The following KCNH5 variants were observed in gnomAD, a reference collection of about 807,000 sequenced individuals.
The protein encoded by KCNH5 is voltage-gated delayed rectifier potassium channel KCNH5.
In KCNH5, 46 loss-of-function variants were observed where a neutral mutation model predicts 96.1. That is an observed-to-expected ratio of 0.48 (90% confidence interval 0.38 to 0.61). The LOEUF is 0.61. Among genes scored for constraint, KCNH5 ranks in the 20% least tolerant of loss-of-function variants. KCNH5 has a pLI of 0.00. For missense variants in KCNH5, 907 were observed against 1,225.8 expected (o/e 0.74, Z 3.88); for synonymous variants, 439 against 449.8 (o/e 0.98, Z 0.30).
intron 4 of KCNH5, among the ~76,000 whole-genome samples, chr14:62,998,635 A>G (rs1446066299): frequency 1.3e-5 from 2 of 152,110 alleles, no homozygotes; most frequent in Non-Finnish European, 1.5e-5. Context: ...TGCATCTCAC[A>G]AATTTGATAA....
intron 7 of KCNH5, among the ~76,000 whole-genome samples, chr14:62,916,379 C>A (rs1442971823): frequency 1.3e-5 from 2 of 152,202 alleles, no homozygotes; most frequent in Non-Finnish European, 2.9e-5. Context: ...CAATAAATTT[C>A]TCAGGCATCC....
rs146121227 is a variant in KCNH5 at position 62,847,639 on chromosome 14, C to T, written c.1569+2014G>A. The stretch of plus-strand genomic sequence containing the variant: ...TCCATGATTTTTTCTTATCCAAATG[C>T]TAATCAATTTTGATATCTTAAAATA... On this transcript the variant is annotated intron_variant, in intron 8 of 10. Coordinates refer to ENST00000322893, the MANE Select transcript of KCNH5 (RefSeq NM_139318.5). Among the ~76,000 whole-genome samples, 342 of 152,224 alleles carry T rather than the reference C, an allele frequency of 2.2e-3. 2 individuals carry two copies. Among genetic ancestry groups the T allele is most frequent in the African/African-American group, 6.9e-3 (287 of 41,548 alleles).
At chr14:62,928,722 T>C (rs1889522672) in intron 7 of KCNH5, among the ~76,000 whole-genome samples, 2 of 152,018 alleles carry the variant, frequency 1.3e-5, no homozygotes, top group Non-Finnish European at 2.9e-5. Context: ...GGCTGCTCAC[T>C]CATCCCTCCT....
At chr14:62,787,597 C>T (rs2139984585) in intron 9 of KCNH5, among the ~76,000 whole-genome samples, 1 of 151,622 alleles carries the variant, frequency 6.6e-6, no homozygotes, top group South Asian at 2.1e-4. Flanking sequence ...CCATCTGGGA[C>T]TTTCATAGAT....
intron 2 of KCNH5, among the ~76,000 whole-genome samples, chr14:63,012,666 T>G (rs1322882630): frequency 6.6e-6 from 1 of 151,978 alleles, no homozygotes; most frequent in Non-Finnish European, 1.5e-5. Flanking sequence ...ATTCCAGGAC[T>G]ACTAGAATGT....
chr14:62,840,562 T>TTC (rs1887560623), intron 8 of KCNH5, among the ~76,000 whole-genome samples: 1 of 131,466 alleles, frequency 7.6e-6, no homozygotes, highest in Admixed American at 8.5e-5. Flanking sequence ...TTTTTCTTTT[T>TTC]TTTCTTTTTT....
intron 7 of KCNH5, among the ~76,000 whole-genome samples, chr14:62,862,058 G>A (rs896205987): frequency 2.6e-5 from 4 of 151,974 alleles, no homozygotes; most frequent in African/African-American, 4.8e-5. Flanking sequence ...TTGCTTTTCC[G>A]TGGTGATACC....
chr14:62,910,402 A>G (rs1305375396), intron 7 of KCNH5, among the ~76,000 whole-genome samples: 1 of 152,182 alleles, frequency 6.6e-6, no homozygotes, highest in African/African-American at 2.4e-5. Flanking sequence ...AAAAATATTA[A>G]TAAAACAGTC....
At chr14:62,960,741 T>A (rs1890191273) in intron 6 of KCNH5, among the ~76,000 whole-genome samples, 1 of 152,170 alleles carries the variant, frequency 6.6e-6, no homozygotes, top group South Asian at 2.1e-4. Context: ...ACATTGCTTT[T>A]TCCTATTCAG....
chr14:62,973,352 T>C (rs1890444647), intron 6 of KCNH5, among the ~76,000 whole-genome samples: 1 of 152,166 alleles, frequency 6.6e-6, no homozygotes, highest in South Asian at 2.1e-4. Flanking sequence ...GTTTGTCCCC[T>C]CAAATATATA....
intron 10 of KCNH5, among the ~76,000 whole-genome samples, chr14:62,721,499 G>GCTCTCTCTCT (rs10567188): frequency 2.7e-5 from 4 of 149,256 alleles, no homozygotes; most frequent in South Asian, 2.1e-4. Context: ...TCACTCACTC[G>GCTCTCTCTCT]CTCTCTCTCT....
At chr14:62,826,408 A>ACGTGTGTGTG (rs1555358740) in intron 8 of KCNH5, among the ~76,000 whole-genome samples, 2 of 141,984 alleles carry the variant, frequency 1.4e-5, no homozygotes, top group African/African-American at 5.2e-5. Flanking sequence ...GCGTGCGTGC[A>ACGTGTGTGTG]TGTGTGTGTG....
intron 7 of KCNH5, among the ~76,000 whole-genome samples, chr14:62,935,173 G>A (rs1243986088): frequency 6.6e-6 from 1 of 152,174 alleles, no homozygotes; most frequent in African/African-American, 2.4e-5. Context: ...TTCACTGTAT[G>A]AAAATTTAAA....
chr14:62,895,824 A>C (rs544515727), intron 7 of KCNH5, among the ~76,000 whole-genome samples: 1 of 152,208 alleles, frequency 6.6e-6, no homozygotes, highest in Non-Finnish European at 1.5e-5. Context: ...AAGGTTCATC[A>C]GCATTACTTA....
intron 10 of KCNH5, among the ~76,000 whole-genome samples, chr14:62,755,389 G>A (rs1885599317): frequency 1.3e-5 from 2 of 152,042 alleles, no homozygotes; most frequent in South Asian, 2.1e-4. Flanking sequence ...AAACCATAAA[G>A]AAATCCAAAA....
At chr14:62,802,961 G>A (rs12101259) in intron 8 of KCNH5, among the ~76,000 whole-genome samples, 3,912 of 152,184 alleles carry the variant, frequency 0.026, 59 homozygotes, top group Middle Eastern at 0.071. Flanking sequence ...GGGCAACATG[G>A]TGAAACCCTG....
intron 6 of KCNH5, among the ~76,000 whole-genome samples, chr14:62,951,962 C>CAA (rs36114434): frequency 0.11 from 11,927 of 104,532 alleles, 1,152 homozygotes; most frequent in Non-Finnish European, 0.14. Flanking sequence ...GACTCCGTCT[C>CAA]AAAAAAAAAA....
chr14:62,960,583 T>A (rs3850308), intron 6 of KCNH5, among the ~76,000 whole-genome samples: 3,481 of 152,262 alleles, frequency 0.023, 76 homozygotes, highest in African/African-American at 0.064. Context: ...CTCTGTTTCA[T>A]AAGCATTGGG....
intron 7 of KCNH5, among the ~76,000 whole-genome samples, chr14:62,880,215 T>C (rs557002679): frequency 1.3e-5 from 2 of 152,174 alleles, no homozygotes; most frequent in Non-Finnish European, 2.9e-5. Flanking sequence ...ATATTTTCTA[T>C]GGAATAGACA....
Sources: gnomAD v4.1 joint callset for allele counts (sites outside exome capture counted in the v4.1 genomes callset) on GRCh38, gnomAD v4.1.1 for gene constraint, MANE v1.5 for transcripts, NCBI Gene and HGNC (gene_info 2026-07-23, HGNC 2026-07-21) for gene names.